Variants in PRKAR2B observed in about 807,000 individuals in gnomAD.
The protein encoded by PRKAR2B is cAMP-dependent protein kinase type II-beta regulatory subunit.
A neutral mutation model predicts 49.9 loss-of-function variants in PRKAR2B; 14 were observed. The ratio of observed to expected loss-of-function variants is 0.28; its 90% CI spans 0.19 to 0.44. PRKAR2B has a LOEUF of 0.44. Among genes scored for constraint, PRKAR2B ranks in the 20% least tolerant of loss-of-function variants. The pLI is 1.00. For synonymous variants in PRKAR2B, 196 were observed against 197.7 expected (o/e 0.99, Z 0.07); for missense variants, 393 against 537.9 (o/e 0.73, Z 2.67).
At chr7:107,149,226 T>A (rs1275380865) in intron 6 of PRKAR2B, among the ~76,000 whole-genome samples, 2 of 152,178 alleles carry the variant, frequency 1.3e-5, no homozygotes, top group Non-Finnish European at 1.5e-5. Flanking sequence ...TTGTGCTAAT[T>A]ATCTTGTAAA....
chr7:107,126,766 T>C (rs1002770051), intron 3 of PRKAR2B, among the ~76,000 whole-genome samples: 3 of 152,210 alleles, frequency 2.0e-5, no homozygotes, highest in Admixed American at 1.3e-4. Context: ...TTGGTTGGTG[T>C]GGTTTGGTTA....
chr7:107,066,798 A>G (rs994767852), intron 1 of PRKAR2B: 13 of 150,026 alleles, frequency 8.7e-5, no homozygotes, highest in Admixed American at 7.3e-4. Flanking sequence ...CTGGTCTTGA[A>G]CTCCTGACTT....
chr7:107,071,433 C>T (rs1252642799), intron 2 of PRKAR2B, among the ~76,000 whole-genome samples: 2 of 152,158 alleles, frequency 1.3e-5, no homozygotes, highest in African/African-American at 4.8e-5. Flanking sequence ...TTTTTGTAAT[C>T]TCAAGGCGTG....
intron 1 of PRKAR2B, among the ~76,000 whole-genome samples, chr7:107,061,197 A>T (rs1238156017): frequency 2.0e-5 from 3 of 151,664 alleles, no homozygotes; most frequent in Admixed American, 2.0e-4. Flanking sequence ...TTTTTGCTTT[A>T]AAATGATTTA....
intron 1 of PRKAR2B, among the ~76,000 whole-genome samples, chr7:107,060,120 GTATT>G (rs778185394): frequency 1.3e-5 from 2 of 151,946 alleles, no homozygotes; most frequent in Non-Finnish European, 2.9e-5. Flanking sequence ...CATATTTTAA[GTATT>G]TATCAGTTTT....
chr7:107,151,683 T>C (rs1795990844), intron 7 of PRKAR2B, among the ~76,000 whole-genome samples: 1 of 152,218 alleles, frequency 6.6e-6, no homozygotes, highest in Non-Finnish European at 1.5e-5. Context: ...AGCCTACAGC[T>C]GGGAACAGTC....
intron 1 of PRKAR2B, among the ~76,000 whole-genome samples, chr7:107,049,124 A>G (rs1442765258): frequency 2.0e-5 from 3 of 152,264 alleles, no homozygotes; most frequent in East Asian, 1.9e-4. Flanking sequence ...ATGATTTTAT[A>G]TAGGCATCAT....
intron 5 of PRKAR2B, among the ~76,000 whole-genome samples, chr7:107,143,705 G>A (rs967125633): frequency 3.9e-5 from 6 of 152,178 alleles, no homozygotes; most frequent in Non-Finnish European, 7.3e-5. Context: ...TTGAGATAAT[G>A]ACACCTTTGC....
intron 2 of PRKAR2B, among the ~76,000 whole-genome samples, chr7:107,098,786 A>C (rs964785697): frequency 1.3e-5 from 2 of 152,234 alleles, no homozygotes; most frequent in African/African-American, 4.8e-5. Flanking sequence ...GGTCCACTCC[A>C]GACCCTGTTT....
chr7:107,057,804 A>G (rs755718396), intron 1 of PRKAR2B, among the ~76,000 whole-genome samples: 2 of 152,210 alleles, frequency 1.3e-5, no homozygotes, highest in African/African-American at 2.4e-5. Context: ...AAACAAACAA[A>G]TACAAGTTTT....
chr7:107,078,814 T>G (rs1044934576), intron 2 of PRKAR2B, among the ~76,000 whole-genome samples: 5 of 152,184 alleles, frequency 3.3e-5, no homozygotes, highest in African/African-American at 1.2e-4. Context: ...CTCTTGAACT[T>G]AATTGCATTT....
chr7:107,159,305 A>C, intron 10 of PRKAR2B, 144 bp from the exon 11 acceptor site: 1 of 901,868 alleles, frequency 1.1e-6, no homozygotes, highest in Non-Finnish European at 1.6e-6. Flanking sequence ...CATTTTTATC[A>C]TTATGCTTTT....
intron 2 of PRKAR2B, among the ~76,000 whole-genome samples, chr7:107,120,383 T>C (rs1431399737): frequency 1.3e-5 from 2 of 152,020 alleles, no homozygotes; most frequent in African/African-American, 4.8e-5. Flanking sequence ...TGGTTAAGAG[T>C]CACTGGTTCA....
At chr7:107,064,575 A>G (rs1794095481) in intron 1 of PRKAR2B, among the ~76,000 whole-genome samples, 1 of 152,324 alleles carries the variant, frequency 6.6e-6, no homozygotes, top group Non-Finnish European at 1.5e-5. Flanking sequence ...GCCTTGAGGT[A>G]CATGGTTCAT....
intron 2 of PRKAR2B, chr7:107,079,559 C>T (rs924908017): frequency 1.3e-5 from 2 of 152,196 alleles, no homozygotes; most frequent in African/African-American, 2.4e-5. Context: ...AGCCCTGCTT[C>T]AGGCCCGTGG....
rs1359319932 is a variant in PRKAR2B at position 107,157,057 on chromosome 7, T to A, written c.984+8T>A. On this transcript the variant is annotated splice_region_variant and intron_variant, in intron 9 of 10. Transcript: ENST00000265717. ...ATTACTATGAAAAGAAAGGTAAGCA[T>A]TCTAAGTCCTCAGAACCCACATACT... is the stretch of plus-strand genomic sequence containing the variant. 6.2e-7 allele frequency: 1 copy of A among 1,609,846 alleles called. No homozygotes were observed. The highest frequency in any genetic ancestry group is 8.5e-7 in the Non-Finnish European group (1 of 1,176,200).
intron 8 of PRKAR2B, among the ~76,000 whole-genome samples, chr7:107,154,788 G>C (rs1361597127): frequency 6.6e-6 from 1 of 152,168 alleles, no homozygotes; most frequent in Non-Finnish European, 1.5e-5. Context: ...TGCATCATTG[G>C]AGATCAAGGC....
At chr7:107,059,710 G>A (rs2116758202) in intron 1 of PRKAR2B, among the ~76,000 whole-genome samples, 1 of 152,018 alleles carries the variant, frequency 6.6e-6, no homozygotes, top group Admixed American at 6.6e-5. Context: ...GTGTGTGTGT[G>A]TGTGTGTGTA....
chr7:107,159,302 A>G, intron 10 of PRKAR2B, 147 bp from the exon 11 acceptor site: 4 of 888,408 alleles, frequency 4.5e-6, no homozygotes, highest in Non-Finnish European at 6.6e-6. Flanking sequence ...GAACATTTTT[A>G]TCATTATGCT....
Sources: gnomAD v4.1 joint callset for allele counts (sites outside exome capture counted in the v4.1 genomes callset) on GRCh38, gnomAD v4.1.1 for gene constraint, MANE v1.5 for transcripts, NCBI Gene and HGNC (gene_info 2026-07-23, HGNC 2026-07-21) for gene names.